ENTREP1: variants seen among roughly 807,000 people sequenced by gnomAD.
ENTREP1 encodes the protein endosomal transmembrane epsin interactor 1, also known as Friedreich ataxia region gene X123.
chr9:69,327,020 A>AC, the ENTREP1 span, among the ~76,000 whole-genome samples: 2 of 152,212 alleles, frequency 1.3e-5, no homozygotes, highest in Admixed American at 6.5e-5. Flanking sequence ...GAAAAAAAAA[A>AC]AAAAGGACTC....
chr9:69,380,091 C>G, the ENTREP1 span: 1 of 152,200 alleles, frequency 6.6e-6, no homozygotes, highest in African/African-American at 2.4e-5. Context: ...GGAGTTAAAG[C>G]AAAACAGTCT....
the ENTREP1 span, among the ~76,000 whole-genome samples, chr9:69,334,418 TTACTCTCA>T: frequency 2.0e-5 from 3 of 152,242 alleles, no homozygotes; most frequent in African/African-American, 7.2e-5. Context: ...TGCAGAATGA[TTACTCTCA>T]GCTAGTGAGA....
the ENTREP1 span, among the ~76,000 whole-genome samples, chr9:69,365,721 T>C: frequency 8.3e-6 from 1 of 119,842 alleles, no homozygotes; most frequent in Non-Finnish European, 1.8e-5. Context: ...ATAATTCTAC[T>C]CTCTCTCGAT....
the ENTREP1 span, chr9:69,379,814 T>C: frequency 1.3e-5 from 2 of 152,210 alleles, no homozygotes; most frequent in East Asian, 3.8e-4. Flanking sequence ...AAGTGACTCA[T>C]GTGGGTTTAG....
chr9:69,365,996 G>T, the ENTREP1 span, among the ~76,000 whole-genome samples: 120 of 152,218 alleles, frequency 7.9e-4, 1 homozygote, highest in African/African-American at 2.8e-3. Context: ...ACATAACGGT[G>T]CAGGAATCCC....
chr9:69,365,583 C>T, the ENTREP1 span, among the ~76,000 whole-genome samples: 16 of 152,168 alleles, frequency 1.1e-4, no homozygotes, highest in East Asian at 2.9e-3. Flanking sequence ...ACTATAGTCA[C>T]CCTACTCTGC....
chr9:69,378,537 G>A, the ENTREP1 span, among the ~76,000 whole-genome samples: 1 of 152,024 alleles, frequency 6.6e-6, no homozygotes, highest in East Asian at 1.9e-4. Context: ...GGAGGCTGAG[G>A]CGGGCAGATC....
the ENTREP1 span, among the ~76,000 whole-genome samples, chr9:69,352,220 G>A: frequency 6.6e-6 from 1 of 152,058 alleles, no homozygotes; most frequent in Non-Finnish European, 1.5e-5. Flanking sequence ...CCAGGTTCAA[G>A]CAATTCTCCT....
the ENTREP1 span, among the ~76,000 whole-genome samples, chr9:69,331,181 A>G: frequency 6.6e-6 from 1 of 152,180 alleles, no homozygotes; most frequent in Non-Finnish European, 1.5e-5. Flanking sequence ...TTTTCTGCTT[A>G]TTTACAAAGT....
At chr9:69,347,632 G>C in the ENTREP1 span, among the ~76,000 whole-genome samples, 1 of 152,178 alleles carries the variant, frequency 6.6e-6, no homozygotes, top group African/African-American at 2.4e-5. Flanking sequence ...GAAATGAGTT[G>C]TTTTGTGACT....
the ENTREP1 span, chr9:69,324,569 C>T: frequency 1.0e-6 from 1 of 985,284 alleles, no homozygotes; most frequent in African/African-American, 1.7e-5. Flanking sequence ...TCCAAGGTAA[C>T]CCAGTCCTTT....
the ENTREP1 span, among the ~76,000 whole-genome samples, chr9:69,373,509 T>C: frequency 6.6e-6 from 1 of 151,974 alleles, no homozygotes; most frequent in Admixed American, 6.6e-5. Flanking sequence ...TGTACTTCCC[T>C]GCATCCTGTT....
the ENTREP1 span, among the ~76,000 whole-genome samples, chr9:69,365,461 G>A: frequency 6.6e-6 from 1 of 152,058 alleles, no homozygotes; most frequent in Non-Finnish European, 1.5e-5. Context: ...ATCATATAAT[G>A]ATCAAATCAG....
chr9:69,367,668 C>CACACATATATATAAATATATATAT, the ENTREP1 span, among the ~76,000 whole-genome samples: 59 of 44,144 alleles, frequency 1.3e-3, 9 homozygotes, highest in African/African-American at 4.8e-3. Context: ...TATATATATA[C>CACACATATATATAAATATATATAT]ACACATATAT....
the ENTREP1 span, among the ~76,000 whole-genome samples, chr9:69,367,387 T>G: frequency 6.6e-5 from 10 of 151,578 alleles, no homozygotes. Flanking sequence ...TCTATTTCTG[T>G]GAAAAATGTC....
At chr9:69,371,400 G>GACA in the ENTREP1 span, 1 of 889,636 alleles carries the variant, frequency 1.1e-6, no homozygotes, top group Non-Finnish European at 1.9e-6. Context: ...TTAAAAAAAT[G>GACA]TTCTCTTGGA....
At chr9:69,326,058 G>A in the ENTREP1 span, among the ~76,000 whole-genome samples, 1 of 152,168 alleles carries the variant, frequency 6.6e-6, no homozygotes, top group African/African-American at 2.4e-5. Context: ...ACTTCTTTTG[G>A]TTATTGAGTA....
the ENTREP1 span, chr9:69,329,236 A>G: frequency 1.3e-5 from 4 of 305,806 alleles, no homozygotes; most frequent in African/African-American, 2.3e-5. Flanking sequence ...TTAGCCTGCT[A>G]TATCAACTGA....
chr9:69,357,266 T>C, the ENTREP1 span, among the ~76,000 whole-genome samples: 1 of 152,186 alleles, frequency 6.6e-6, no homozygotes, highest in Admixed American at 6.5e-5. Flanking sequence ...CAACTCTGGC[T>C]TATAAGAGCT....
Sources: allele counts gnomAD v4.1 joint callset (sites outside exome capture counted in the v4.1 genomes callset), GRCh38; gene constraint gnomAD v4.1.1; transcripts MANE v1.5; gene names NCBI Gene and HGNC (gene_info 2026-07-23, HGNC 2026-07-21).